Variants in LZTS1 observed in about 807,000 individuals in gnomAD.
The protein encoded by LZTS1 is leucine zipper tumor suppressor 1, also known as leucine zipper putative tumor suppressor 1.
Under a neutral mutation model 45.8 loss-of-function variants are expected in LZTS1, and 31 were observed. The ratio of observed to expected loss-of-function variants is 0.68; its 90% CI spans 0.51 to 0.91. LZTS1 has a LOEUF of 0.91. Among genes scored for constraint, LZTS1 ranks in the 40% least tolerant of loss-of-function variants. The pLI, the probability that LZTS1 is intolerant of heterozygous loss-of-function variation, is 0.00. For synonymous variants in LZTS1, 359 were observed against 357.3 expected, an observed-to-expected ratio of 1.00 and a Z score of -0.05; for missense variants, 821 against 788.9, an observed-to-expected ratio of 1.04 and a Z score of -0.49.
intron 1 of LZTS1, among the ~76,000 whole-genome samples, chr8:20,273,401 C>T (rs1461795819): frequency 6.6e-6 from 1 of 152,176 alleles, no homozygotes; most frequent in Non-Finnish European, 1.5e-5. Context: ...AATCCTCTCC[C>T]CTGAGCTCCT....
At chr8:20,251,631 TG>T (rs1258254654) in intron 3 of LZTS1, among the ~76,000 whole-genome samples, 1 of 151,972 alleles carries the variant, frequency 6.6e-6, no homozygotes, top group African/African-American at 2.4e-5. Context: ...CAAATTTTGA[TG>T]GGGGATAGGG....
intron 1 of LZTS1, among the ~76,000 whole-genome samples, chr8:20,258,271 T>A (rs967686619): frequency 2.6e-5 from 4 of 152,188 alleles, no homozygotes; most frequent in Non-Finnish European, 4.4e-5. Context: ...CTCTAAATTA[T>A]ACCATCCATC....
At chr8:20,281,588 C>T (rs1278128801) in intron 1 of LZTS1, among the ~76,000 whole-genome samples, 1 of 152,050 alleles carries the variant, frequency 6.6e-6, no homozygotes, top group Admixed American at 6.6e-5. Context: ...AAAAGAATGG[C>T]TGAGTGCCCT....
chr8:20,251,553 C>G (rs886480002), intron 3 of LZTS1, among the ~76,000 whole-genome samples: 1 of 152,144 alleles, frequency 6.6e-6, no homozygotes, highest in Non-Finnish European at 1.5e-5. Flanking sequence ...TCCCATGACC[C>G]CAGATGGCCA....
intron 1 of LZTS1, among the ~76,000 whole-genome samples, chr8:20,303,287 T>C (rs1401591980): frequency 6.6e-6 from 1 of 152,120 alleles, no homozygotes; most frequent in Non-Finnish European, 1.5e-5. Context: ...ACAGCTCATC[T>C]GCAAAGTTCC....
chr8:20,270,543 C>CA (rs1800451033), intron 1 of LZTS1, among the ~76,000 whole-genome samples: 1 of 152,124 alleles, frequency 6.6e-6, no homozygotes, highest in South Asian at 2.1e-4. Context: ...GGTGGCAAGA[C>CA]AGAGTAGAAA....
chr8:20,260,077 C>T (rs1334279633), intron 1 of LZTS1, among the ~76,000 whole-genome samples: 1 of 152,034 alleles, frequency 6.6e-6, no homozygotes, highest in African/African-American at 2.4e-5. Flanking sequence ...TTAAATAATT[C>T]TTTTGTAGAG....
chr8:20,253,062 G>A lies in LZTS1; in HGVS notation c.869C>T (p.Ala290Val), dbSNP rs1192468456. The A allele has an allele frequency of 6.2e-7, 1 of 1,607,444 alleles. No individual in the cohort carries two copies. The highest frequency in any genetic ancestry group is 1.1e-5 in the South Asian group (1 of 90,964). ...LQRSFEEKEL[A>V]SSLAYEERPR... ...CCGCTCCTCGTAGGCCAGGCTGGAG[G>A]CAAGCTCCTTCTCCTCAAAGCTGCG... The change falls in exon 3 of 4, where the codon GCC becomes GTC. Residue 290 changes from alanine (A) to valine (V), a missense_variant. Coordinates refer to ENST00000381569, the MANE Select transcript of LZTS1 (RefSeq NM_021020.5).
chr8:20,272,513 G>A lies in LZTS1; in HGVS notation c.-134-17198C>T, dbSNP rs569514851. On this transcript the variant is annotated intron_variant, in intron 1 of 3. Coordinates refer to ENST00000381569, the MANE Select transcript of LZTS1 (RefSeq NM_021020.5). ...GAACTCTTTTTTGAGCCCAGATGCC[G>A]ATGGGGACCCTAGAATCAAGACCCC... Among the ~76,000 whole-genome samples, 21 of 152,158 alleles carry A rather than the reference G, an allele frequency of 1.4e-4. No individual in the cohort carries two copies. In the East Asian group the frequency reaches 1.7e-3, roughly 13 times the overall value.
intron 3 of LZTS1, among the ~76,000 whole-genome samples, chr8:20,251,098 A>AATATATATATATATATATATATATAT (rs527759585): frequency 2.4e-5 from 1 of 41,398 alleles, no homozygotes; most frequent in Non-Finnish European, 5.7e-5. Context: ...CCTGAGGGCT[A>AATATATATATATATATATATATATAT]ATATATATAT....
chr8:20,287,078 A>G (rs1800805251), intron 1 of LZTS1, among the ~76,000 whole-genome samples: 2 of 139,894 alleles, frequency 1.4e-5, no homozygotes, highest in South Asian at 4.1e-4. Flanking sequence ...TTATACTTCA[A>G]TACATTGATT....
chr8:20,297,507 C>T (rs533049620), intron 1 of LZTS1, among the ~76,000 whole-genome samples: 153 of 152,238 alleles, frequency 1.0e-3, no homozygotes, highest in African/African-American at 3.4e-3. Flanking sequence ...CTCCGCCTCC[C>T]GGGTTCAAGC....
Position 20,253,543 on chromosome 8 carries a change from C to T in LZTS1, c.388G>A (p.Val130Met). The change falls in exon 3 of 4, where the codon GTG (valine) becomes ATG (methionine). Residue 130 changes from valine to methionine, a missense_variant. Physicochemically the swap from Val to Met is conservative, Grantham distance 21. Coordinates refer to ENST00000381569, the MANE Select transcript of LZTS1 (RefSeq NM_021020.5). Reference sequence around the variant, plus strand: ...AGGATGGCTCCTGACCGTGGCAGCACAGGCTTGAAGGCTGTGGGCCTCACT... The same window carrying T: ...AGGATGGCTCCTGACCGTGGCAGCATAGGCTTGAAGGCTGTGGGCCTCACT... ...GAVRPTAFKPVLPRSGAILHS... is the reference protein window; with the variant it reads ...GAVRPTAFKPMLPRSGAILHS... The T allele has an allele frequency of 6.6e-7, 1 of 1,514,716 alleles. No homozygotes were observed. The highest frequency in any genetic ancestry group is 8.8e-7 in the Non-Finnish European group (1 of 1,133,018). The allele number at this position is 1,514,716 out of a possible 1,614,324, so 93.8% of individuals were successfully genotyped here.
intron 3 of LZTS1, among the ~76,000 whole-genome samples, chr8:20,251,573 G>A (rs1257623098): frequency 6.6e-6 from 1 of 152,176 alleles, no homozygotes; most frequent in East Asian, 1.9e-4. Flanking sequence ...AAGATCCAGA[G>A]ACACATGGGT....
intron 1 of LZTS1, among the ~76,000 whole-genome samples, chr8:20,257,805 G>A (rs745380355): frequency 6.6e-6 from 1 of 151,898 alleles, no homozygotes; most frequent in Non-Finnish European, 1.5e-5. Context: ...ACATAGCTGG[G>A]ATTACAGGTG....
In LZTS1 at chr8:20,253,034, C is replaced by A. The variant is rs1036580293; in HGVS notation, c.897G>T (p.Pro299=). ...CCTCCAGCTCGTCCCTGCAGCGCCGCGGCCGCTCCTCGTAGGCCAGGCTGG... is the reference window on the plus strand; with the variant it reads ...CCTCCAGCTCGTCCCTGCAGCGCCGAGGCCGCTCCTCGTAGGCCAGGCTGG... ...LASSLAYEER[P]RRCRDELEGP... Residue 299 remains proline, a synonymous_variant, in exon 3 of 4, where the codon CCG becomes CCT. Transcript: ENST00000381569. 2 of 1,603,120 alleles carry A rather than the reference C, an allele frequency of 1.2e-6. No individual in the cohort carries two copies. The highest frequency in any genetic ancestry group is 3.3e-5 in the Admixed American group (2 of 59,804).
Position 20,249,978 on chromosome 8 carries a change from C to T in LZTS1, c.1535G>A (p.Arg512Gln), listed in dbSNP as rs1158103117. ...RELERLRAEL[R>Q]EERQGHDQMS... ...CTGGTCATGGCCTTGCCGCTCCTCC[C>T]GCAGCTCGGCCCGCAGCCGCTCCAG... is the stretch of plus-strand genomic sequence containing the variant. Residue 512 changes from arginine (R) to glutamine (Q), a missense_variant, in exon 4 of 4, where the codon CGG becomes CAG. Arg to Gln is a conservative substitution (Grantham distance 43). Coordinates refer to ENST00000381569, the MANE Select transcript of LZTS1 (RefSeq NM_021020.5). The T allele has an allele frequency of 5.0e-6, 8 of 1,613,832 alleles. No homozygotes were observed. The highest frequency in any genetic ancestry group is 1.1e-5 in the South Asian group (1 of 91,082).
At position 20,249,935 on chromosome 8, in the gene LZTS1, C is replaced by G; in HGVS notation, c.1578G>C (p.Gln526His). 6.2e-7 allele frequency: 1 copy of G among 1,614,192 alleles called. No homozygotes were observed. The highest frequency in any genetic ancestry group is 8.5e-7 in the Non-Finnish European group (1 of 1,180,006). ...CCTCCTTCCACACGAGCCGCTCATG[C>G]TGGAAGCCCGAGGACATCTGGTCAT... ...QGHDQMSSGF[Q>H]HERLVWKEEK... The change falls in exon 4 of 4, where the codon CAG (glutamine) becomes CAC (histidine). Residue 526 changes from glutamine to histidine, a missense_variant. Transcript: ENST00000381569.
rs377331309 is a variant in LZTS1, at chr8:20,253,545, G to A, written c.386C>T (p.Pro129Leu). 7 of 1,501,542 alleles carry A rather than the reference G, an allele frequency of 4.7e-6. No individual in the cohort carries two copies. Among genetic ancestry groups the A allele is most frequent in the Non-Finnish European group, 6.2e-6 (7 of 1,126,498 alleles). The allele number at this position is 1,501,542 out of a possible 1,614,324, so 93.0% of individuals were successfully genotyped here. The stretch of plus-strand genomic sequence containing the variant: ...GATGGCTCCTGACCGTGGCAGCACA[G>A]GCTTGAAGGCTGTGGGCCTCACTGC... ...KGAVRPTAFK[P>L]VLPRSGAILH... is the part of the protein sequence containing the mutation. Residue 129 changes from proline to leucine, a missense_variant, in exon 3 of 4, where the codon CCT becomes CTT. By Grantham distance (98) the Pro-to-Leu change is moderately conservative. Transcript: ENST00000381569.
Sources: gnomAD v4.1 joint callset for allele counts (sites outside exome capture counted in the v4.1 genomes callset) on GRCh38, gnomAD v4.1.1 for gene constraint, MANE v1.5 for transcripts, NCBI Gene and HGNC (gene_info 2026-07-23, HGNC 2026-07-21) for gene names.